LGALS2: variants seen among roughly 807,000 people sequenced by gnomAD.
LGALS2 encodes galectin-2.
Under a neutral mutation model 10.1 loss-of-function variants are expected in LGALS2, and 7 were observed. The ratio of observed to expected loss-of-function variants is 0.70; its 90% CI spans 0.40 to 1.31. LGALS2 has a LOEUF of 1.31. Ranked by LOEUF, LGALS2 falls within the 50% of genes most tolerant of loss-of-function variation. LGALS2 has a pLI of 0.01. For missense variants in LGALS2, 167 were observed against 163.6 expected (o/e 1.02, Z -0.11); for synonymous variants, 86 against 64.2 (o/e 1.34, Z -1.63).
rs559297606 is a variant in LGALS2, at chr22:37,580,056, C to T, written c.-151G>A. On this transcript the variant is annotated 5_prime_UTR_variant, in exon 1 of 4. Coordinates refer to ENST00000215886, the MANE Select transcript of LGALS2 (RefSeq NM_006498.3). ...TTGCCCCTTCTACCTTGTGTCTCCC[C>T]GCCTGCATCTCCCAGTACCCAGCAC... 56 of 628,300 alleles carry T rather than the reference C, an allele frequency of 8.9e-5. No individual in the cohort carries two copies. Among genetic ancestry groups the T allele is most frequent in the Admixed American group, 2.4e-4 (9 of 37,014 alleles). The allele number at this position is 628,300 out of a possible 1,614,324, so 38.9% of individuals were successfully genotyped here. A position where few individuals can be genotyped will look rare whatever the true frequency, so the allele number is the denominator to read the frequency against.
At chr22:37,579,789 G>T in intron 1 of LGALS2, 111 bp downstream of exon 1, 1 of 1,173,962 alleles carries the variant, frequency 8.5e-7, no homozygotes, top group Non-Finnish European at 1.2e-6. Flanking sequence ...TGCACAGATG[G>T]GGAAACTGAG....
At chr22:37,571,811 G>A (rs534009187) in intron 2 of LGALS2, 38 bp downstream of exon 2, 49 of 1,555,196 alleles carry the variant, frequency 3.2e-5, no homozygotes, top group African/African-American at 1.6e-4. Context: ...TGCCTATTCC[G>A]GGCCTGCAGA....
intron 1 of LGALS2, among the ~76,000 whole-genome samples, chr22:37,577,352 CT>C (rs35255946): frequency 0.029 from 4,009 of 136,682 alleles, 189 homozygotes; most frequent in African/African-American, 0.1. Flanking sequence ...TCAATGTGAC[CT>C]TTTTTTTTTT....
chr22:37,577,945 C>A (rs1925738091), intron 1 of LGALS2, among the ~76,000 whole-genome samples: 1 of 152,182 alleles, frequency 6.6e-6, no homozygotes, highest in South Asian at 2.1e-4. Context: ...AGGAGCGTAG[C>A]CCTGTAGCAC....
intron 1 of LGALS2, among the ~76,000 whole-genome samples, chr22:37,577,656 G>A (rs1925730558): frequency 6.6e-6 from 1 of 151,964 alleles, no homozygotes; most frequent in African/African-American, 2.4e-5. Flanking sequence ...TGGGATTACA[G>A]GGGTGAGCCA....
At chr22:37,574,130 T>C (rs537737771) in intron 1 of LGALS2, among the ~76,000 whole-genome samples, 7 of 152,184 alleles carry the variant, frequency 4.6e-5, no homozygotes, top group East Asian at 1.9e-4. Flanking sequence ...TTATTTTCCA[T>C]AGGAAAGCAG....
At chr22:37,573,793 C>T (rs1925576760) in intron 1 of LGALS2, among the ~76,000 whole-genome samples, 1 of 151,600 alleles carries the variant, frequency 6.6e-6, no homozygotes, top group Non-Finnish European at 1.5e-5. Flanking sequence ...TGCAACGGTG[C>T]GATCTCGACT....
At position 37,573,394 on chromosome 22, in the gene LGALS2, T is replaced by G. The variant is rs1297249422; in HGVS notation, c.7-1463A>C. On this transcript the variant is annotated intron_variant, in intron 1 of 3. Coordinates refer to ENST00000215886, the MANE Select transcript of LGALS2 (RefSeq NM_006498.3). ...CTGTAAAATTGACTAATTTGATTTA[T>G]TCATTTAAAAAACAGTTGATAGCCT... 2.6e-5 allele frequency among the ~76,000 whole-genome samples: 4 copies of G among 152,312 alleles called. No homozygotes were observed. In the East Asian group the frequency reaches 7.7e-4, roughly 29 times the overall value.
intron 1 of LGALS2, among the ~76,000 whole-genome samples, chr22:37,573,710 T>C (rs1386373560): frequency 6.8e-6 from 1 of 146,760 alleles, no homozygotes; most frequent in Non-Finnish European, 1.5e-5. Context: ...TTTATTGTTT[T>C]ACTTTCCTTT....
intron 1 of LGALS2, among the ~76,000 whole-genome samples, chr22:37,577,030 C>T (rs922483515): frequency 6.6e-6 from 1 of 152,184 alleles, no homozygotes; most frequent in Non-Finnish European, 1.5e-5. Context: ...CTAGTGCCGA[C>T]TCTGCCCCTA....
Position 37,570,624 on chromosome 22 carries a change from T to C in LGALS2, c.201A>G (p.Gln67=), listed in dbSNP as rs755032398. 6.2e-7 allele frequency: 1 copy of C among 1,614,262 alleles called. No individual in the cohort carries two copies. Among genetic ancestry groups the C allele is most frequent in the Non-Finnish European group, 8.5e-7 (1 of 1,180,054 alleles). Residue 67 remains glutamine, a synonymous_variant, in exon 3 of 4, where the codon CAA becomes CAG. Coordinates refer to ENST00000215886, the MANE Select transcript of LGALS2 (RefSeq NM_006498.3). ...AGCACAGGTGATCTTCCCGTTGTTC[T>C]TGCCCCCAGTTGCTGCCGTCCAATG... ...CNSLDGSNWG[Q]EQREDHLCFS...
At chr22:37,570,887 C>G in intron 2 of LGALS2, 152 bp from the exon 3 acceptor site, 1 of 795,496 alleles carries the variant, frequency 1.3e-6, no homozygotes, top group Non-Finnish European at 2.1e-6. Flanking sequence ...ACAACCTGCT[C>G]AGACTTAGCA....
At chr22:37,574,926 A>G (rs4821671) in intron 1 of LGALS2, among the ~76,000 whole-genome samples, 75,111 of 147,892 alleles carry the variant, frequency 0.51, 20,057 homozygotes, top group Non-Finnish European at 0.59. Context: ...TCTGTCACCC[A>G]TGCTGGAGTG....
rs1925472197 is a variant in LGALS2 at position 37,570,719 on chromosome 22, C to T, written c.106G>A (p.Gly36Ser). ...AGGTTCAGCTTGTCTGTCCCCTGGC[C>T]CAGATTAATTACAAAGCTGCAGGAG... Reference protein sequence around the residue: ...DGTDGFVINLGQGTDKLNLHF... With the variant: ...DGTDGFVINLSQGTDKLNLHF... Residue 36 changes from glycine to serine, a missense_variant, in exon 3 of 4, where the codon GGC becomes AGC. Physicochemically the swap from Gly to Ser is moderately conservative, Grantham distance 56 (BLOSUM62 0). Coordinates refer to ENST00000215886, the MANE Select transcript of LGALS2 (RefSeq NM_006498.3). 7.4e-6 allele frequency: 12 copies of T among 1,614,166 alleles called. No individual in the cohort carries two copies. Among genetic ancestry groups the T allele is most frequent in the Non-Finnish European group, 9.3e-6 (11 of 1,180,024 alleles).
In LGALS2 at chr22:37,571,874, C is replaced by G. The variant is rs1269209803; in HGVS notation, c.64G>C (p.Gly22Arg). 1 of 1,614,192 alleles carries G rather than the reference C, an allele frequency of 6.2e-7. No homozygotes were observed. Among genetic ancestry groups the G allele is most frequent in the Admixed American group, 1.7e-5 (1 of 60,026 alleles). ...CCATCAGTGCCATCGGCGATGCTGC[C>G]TGTGATCTTCAGGGTTGACCCCGGC... ...MKPGSTLKIT[G>R]SIADGTDGFV... is the part of the protein sequence containing the mutation. Residue 22 changes from glycine (G) to arginine (R), a missense_variant, in exon 2 of 4, where the codon GGC becomes CGC. Physicochemically the swap from Gly to Arg is moderately radical, Grantham distance 125. Coordinates refer to ENST00000215886, the MANE Select transcript of LGALS2 (RefSeq NM_006498.3).
Position 37,571,907 on chromosome 22 carries a change from C to A in LGALS2, c.31G>T (p.Asp11Tyr), listed in dbSNP as rs1367763804. MTGELEVKNM[D>Y]MKPGSTLKIT... ...TTCAGGGTTGACCCCGGCTTCATGT[C>A]CATGTTCTTAACCTCAAGTTCCCCC... Residue 11 changes from aspartate to tyrosine, a missense_variant, in exon 2 of 4, where the codon GAC becomes TAC. Transcript: ENST00000215886. 2 of 1,614,142 alleles carry A rather than the reference C, an allele frequency of 1.2e-6. No individual in the cohort carries two copies. Among genetic ancestry groups the A allele is most frequent in the Non-Finnish European group, 1.7e-6 (2 of 1,179,970 alleles).
At chr22:37,576,938 G>A (rs371184893) in intron 1 of LGALS2, among the ~76,000 whole-genome samples, 47 of 151,840 alleles carry the variant, frequency 3.1e-4, no homozygotes, top group African/African-American at 1.1e-3. Flanking sequence ...CAGAGTCAAA[G>A]GCGCAGAGAG....
chr22:37,573,812 C>T (rs1362957238), intron 1 of LGALS2, among the ~76,000 whole-genome samples: 1 of 151,814 alleles, frequency 6.6e-6, no homozygotes, highest in Non-Finnish European at 1.5e-5. Flanking sequence ...CTCACTGCAA[C>T]CTCCACCTCT....
At chr22:37,570,762 G>C (rs766767183) in intron 2 of LGALS2, 27 bp from the exon 3 acceptor site, 2 of 1,613,920 alleles carry the variant, frequency 1.2e-6, no homozygotes, top group South Asian at 1.1e-5. Flanking sequence ...AGCAGGTGAG[G>C]TTCAGGGCTC....
Sources: allele counts gnomAD v4.1 joint callset (sites outside exome capture counted in the v4.1 genomes callset), GRCh38; gene constraint gnomAD v4.1.1; transcripts MANE v1.5; gene names NCBI Gene and HGNC (gene_info 2026-07-23, HGNC 2026-07-21).